The following AKR1C3 variants were observed in gnomAD, a reference collection of about 807,000 sequenced individuals.
AKR1C3 encodes the protein aldo-keto reductase family 1 member C3, also known as 3-alpha hydroxysteroid dehydrogenase, type II.
In AKR1C3, 48 loss-of-function variants were observed where a neutral mutation model predicts 43.6. The ratio of observed to expected loss-of-function variants is 1.10; its 90% confidence interval spans 0.87 to 1.40. The LOEUF (loss-of-function observed/expected upper bound fraction) is 1.40, where lower values mean the gene tolerates loss of function less well. Ranked by LOEUF, AKR1C3 falls within the 40% of genes most tolerant of loss-of-function variation. The pLI is 0.00. For synonymous variants in AKR1C3, 162 were observed against 139.6 expected (o/e 1.16, Z -1.13); for missense variants, 482 against 391.2 (o/e 1.23, Z -1.96).
intron 1 of AKR1C3, among the ~76,000 whole-genome samples, chr10:5,050,144 A>G (rs1277308461): frequency 6.6e-6 from 1 of 152,198 alleles, no homozygotes; most frequent in Admixed American, 6.5e-5. Flanking sequence ...CACCTTCTCC[A>G]TATGGAATTG....
chr10:5,086,771 G>A (rs1353709146), intron 1 of AKR1C3, among the ~76,000 whole-genome samples: 3 of 152,178 alleles, frequency 2.0e-5, no homozygotes, highest in Admixed American at 6.5e-5. Context: ...TGTATTGGAT[G>A]CATATATATT....
intron 7 of AKR1C3, among the ~76,000 whole-genome samples, chr10:5,104,483 ATAATGAAAGGTCT>A (rs1195572734): frequency 2.6e-5 from 4 of 152,192 alleles, no homozygotes; most frequent in Non-Finnish European, 1.5e-5. Context: ...TACTGTCTAA[ATAATGAAAGGTCT>A]TGCTACCAGA....
intron 1 of AKR1C3, 100 bp from the exon 2 acceptor site, chr10:5,096,310 C>A: frequency 2.1e-6 from 3 of 1,410,990 alleles, no homozygotes; most frequent in Non-Finnish European, 2.9e-6. Flanking sequence ...CACATACAGA[C>A]AGGAGGAAAA....
At position 5,099,378 on chromosome 10, in the gene AKR1C3, A is replaced by C; in HGVS notation, c.499A>C (p.Asn167His). ...AGLAKSIGVS[N>H]FNRRQLEMIL... ...ATTGGCCAAGTCCATTGGGGTGTCAAACTTCAACCGCAGGCAGCTGGAGAT... is the reference window on the plus strand; with the variant it reads ...ATTGGCCAAGTCCATTGGGGTGTCACACTTCAACCGCAGGCAGCTGGAGAT... The change falls in exon 5 of 9, where the codon AAC becomes CAC. Residue 167 changes from asparagine (N) to histidine (H), a missense_variant. Physicochemically the swap from Asn to His is moderately conservative, Grantham distance 68 (BLOSUM62 1). Transcript: ENST00000380554. 6.2e-7 allele frequency: 1 copy of C among 1,614,158 alleles called. No individual in the cohort carries two copies. Among genetic ancestry groups the C allele is most frequent in the Non-Finnish European group, 8.5e-7 (1 of 1,180,034 alleles).
chr10:5,079,861 T>C, intron 1 of AKR1C3, among the ~76,000 whole-genome samples: 1 of 152,214 alleles, frequency 6.6e-6, no homozygotes, highest in Non-Finnish European at 1.5e-5. Context: ...TGTTAATTAT[T>C]CCATTGTCAG....
intron 1 of AKR1C3, 150 bp from the exon 2 acceptor site, chr10:5,096,260 C>A: frequency 1.1e-6 from 1 of 913,316 alleles, no homozygotes; most frequent in Non-Finnish European, 1.6e-6. Flanking sequence ...TTATTACTAA[C>A]CAGGAAAGAC....
At chr10:5,096,085 T>G (rs1839200627) in intron 1 of AKR1C3, 1 of 196,030 alleles carries the variant, frequency 5.1e-6, no homozygotes, top group African/African-American at 2.3e-5. Flanking sequence ...CTCCATGTGA[T>G]TTTTACCATG....
chr10:5,072,743 G>A (rs1376756008), intron 1 of AKR1C3, among the ~76,000 whole-genome samples: 2 of 152,186 alleles, frequency 1.3e-5, no homozygotes, highest in African/African-American at 4.8e-5. Flanking sequence ...TTAGGATGGA[G>A]AATGTTATAA....
chr10:5,059,350 C>A (rs1395185233), intron 1 of AKR1C3, among the ~76,000 whole-genome samples: 1 of 152,134 alleles, frequency 6.6e-6, no homozygotes, highest in Admixed American at 6.6e-5. Context: ...AGCTTTAGGA[C>A]CCAGGGGGCA....
intron 1 of AKR1C3, among the ~76,000 whole-genome samples, chr10:5,088,836 C>T (rs560911993): frequency 1.3e-5 from 2 of 151,972 alleles, no homozygotes; most frequent in African/African-American, 4.8e-5. Context: ...GCTTTTGTTT[C>T]TGTCATGGTC....
upstream of AKR1C3, among the ~76,000 whole-genome samples, chr10:5,091,868 C>A (rs776433375): frequency 3.3e-5 from 5 of 152,088 alleles, no homozygotes; most frequent in Non-Finnish European, 5.9e-5. Flanking sequence ...CACATTTTGC[C>A]ATATGTATAC....
chr10:5,105,949 A>G (rs1429768666), intron 8 of AKR1C3, among the ~76,000 whole-genome samples: 1 of 152,220 alleles, frequency 6.6e-6, no homozygotes, highest in Non-Finnish European at 1.5e-5. Context: ...CGTTCCATAT[A>G]GGCCTGGTGT....
chr10:5,049,992 G>A (rs781849927), intron 1 of AKR1C3, among the ~76,000 whole-genome samples: 3 of 152,054 alleles, frequency 2.0e-5, no homozygotes, highest in Admixed American at 1.3e-4. Context: ...CTACTGTCTA[G>A]TGGACACACT....
intron 8 of AKR1C3, 94 bp downstream of exon 8, chr10:5,105,771 G>C (rs1437862683): frequency 1.1e-6 from 1 of 932,178 alleles, no homozygotes; most frequent in African/African-American, 1.6e-5. Context: ...GAGGGACAGA[G>C]GCCAATGTGA....
intron 1 of AKR1C3, chr10:5,048,921 G>C (rs782298007): frequency 6.3e-7 from 1 of 1,586,626 alleles, no homozygotes; most frequent in Admixed American, 1.7e-5. Flanking sequence ...TTGGTGCAGA[G>C]AGTTGAAAAG....
At chr10:5,068,900 T>C (rs1309965831) in intron 1 of AKR1C3, among the ~76,000 whole-genome samples, 2 of 152,246 alleles carry the variant, frequency 1.3e-5, no homozygotes, top group Non-Finnish European at 2.9e-5. Context: ...AGAAGCAGTT[T>C]ATGACCTTAA....
intron 2 of AKR1C3, among the ~76,000 whole-genome samples, chr10:5,097,137 T>A (rs2131839496): frequency 6.6e-6 from 1 of 152,204 alleles, no homozygotes; most frequent in South Asian, 2.1e-4. Flanking sequence ...TTAAAATGAG[T>A]TGTAAACTCT....
intron 2 of AKR1C3, 139 bp from the exon 3 acceptor site, chr10:5,097,295 A>G (rs1839229002): frequency 1.9e-6 from 2 of 1,034,782 alleles, no homozygotes; most frequent in African/African-American, 3.2e-5. Flanking sequence ...CAAAGGAATC[A>G]TGAGAAGGAA....
chr10:5,075,079 T>C (rs1554781679), intron 1 of AKR1C3, among the ~76,000 whole-genome samples: 8 of 152,294 alleles, frequency 5.3e-5, no homozygotes, highest in Admixed American at 4.6e-4. Flanking sequence ...TACTGAGACC[T>C]GTCTCATCAT....
Sources: gnomAD v4.1 joint callset for allele counts (sites outside exome capture counted in the v4.1 genomes callset) on GRCh38, gnomAD v4.1.1 for gene constraint, MANE v1.5 for transcripts, NCBI Gene and HGNC (gene_info 2026-07-23, HGNC 2026-07-21) for gene names.